The following EPC2 variants were observed in gnomAD, a reference collection of about 807,000 sequenced individuals.
The protein encoded by EPC2 is enhancer of polycomb homolog 2.
In EPC2, 14 loss-of-function variants were observed where a neutral mutation model predicts 92.1. The observed-to-expected ratio is 0.15, with a 90% CI of 0.10 to 0.24. EPC2 has a LOEUF of 0.24. EPC2 is among the 10% of genes least tolerant of loss of function. The probability of loss-of-function intolerance (pLI) is 1.00; values close to 1 mark genes in which losing one functional copy is unlikely to be tolerated. For missense variants in EPC2, 755 were observed against 971.5 expected (o/e 0.78, Z 2.96); for synonymous variants, 340 against 334.7 (o/e 1.02, Z -0.17).
intron 2 of EPC2, among the ~76,000 whole-genome samples, chr2:148,698,282 CCCCA>C (rs1183935864): frequency 6.6e-6 from 1 of 152,098 alleles, no homozygotes; most frequent in Non-Finnish European, 1.5e-5. Flanking sequence ...CACCTCCCTG[CCCCA>C]CCGCCCCCTC....
At position 148,645,002 on chromosome 2, in the gene EPC2, G is replaced by A. The variant is rs1177190316; in HGVS notation, c.-16G>A. The A allele has an allele frequency of 3.2e-6, 5 of 1,544,526 alleles. No homozygotes were observed. Among genetic ancestry groups the A allele is most frequent in the African/African-American group, 2.8e-5 (2 of 72,362 alleles). On this transcript the variant is annotated 5_prime_UTR_variant, in exon 1 of 14. Coordinates refer to ENST00000258484, the MANE Select transcript of EPC2 (RefSeq NM_015630.4). ...CGCCGCCGCCGCCCGGGCTGTTCCT[G>A]TAAGGCGGGGAGACAATGAGTAAAC... is the stretch of plus-strand genomic sequence containing the variant.
intron 1 of EPC2, among the ~76,000 whole-genome samples, chr2:148,689,536 G>A (rs2105371079): frequency 6.6e-6 from 1 of 152,218 alleles, no homozygotes; most frequent in East Asian, 1.9e-4. Context: ...TTTATGGGGT[G>A]GGTGGCATGA....
chr2:148,648,524 A>G (rs909467517), intron 1 of EPC2, among the ~76,000 whole-genome samples: 3 of 152,164 alleles, frequency 2.0e-5, no homozygotes, highest in African/African-American at 7.2e-5. Flanking sequence ...GGCTTGTAAC[A>G]AACAAACCAA....
At chr2:148,781,216 T>G (rs377454455) in intron 10 of EPC2, among the ~76,000 whole-genome samples, 3 of 152,324 alleles carry the variant, frequency 2.0e-5, no homozygotes, top group Non-Finnish European at 2.9e-5. Context: ...AAACCAGCAG[T>G]AAAAATCATT....
intron 1 of EPC2, among the ~76,000 whole-genome samples, chr2:148,668,118 C>T (rs547606782): frequency 6.6e-5 from 10 of 152,202 alleles, no homozygotes; most frequent in African/African-American, 2.4e-4. Flanking sequence ...AGGCTGGTCT[C>T]GAACTCCTGT....
chr2:148,738,789 T>G (rs1377800876), intron 2 of EPC2, among the ~76,000 whole-genome samples: 1 of 152,182 alleles, frequency 6.6e-6, no homozygotes, highest in Non-Finnish European at 1.5e-5. Context: ...TGAAACTAAT[T>G]GATAAATACG....
At chr2:148,650,845 AGTT>A (rs1415391354) in intron 1 of EPC2, among the ~76,000 whole-genome samples, 2 of 152,186 alleles carry the variant, frequency 1.3e-5, no homozygotes, top group African/African-American at 4.8e-5. Flanking sequence ...TCTAAATGCC[AGTT>A]GTTATCTAAA....
At chr2:148,738,073 T>C (rs1434140638) in intron 2 of EPC2, among the ~76,000 whole-genome samples, 1 of 152,212 alleles carries the variant, frequency 6.6e-6, no homozygotes, top group East Asian at 1.9e-4. Flanking sequence ...GAAAATTTAA[T>C]TGATGGTTCT....
chr2:148,773,290 AGG>A (rs1683564022), intron 10 of EPC2, among the ~76,000 whole-genome samples: 1 of 152,154 alleles, frequency 6.6e-6, no homozygotes, highest in African/African-American at 2.4e-5. Context: ...TGTACTTCTC[AGG>A]GAATTTAAGT....
chr2:148,716,673 G>A (rs1421343946), intron 2 of EPC2, among the ~76,000 whole-genome samples: 2 of 152,108 alleles, frequency 1.3e-5, no homozygotes, highest in South Asian at 2.1e-4. Context: ...TTGCATCGAG[G>A]TTCACCAAAG....
intron 1 of EPC2, among the ~76,000 whole-genome samples, chr2:148,674,727 G>A (rs1376652990): frequency 6.6e-6 from 1 of 152,220 alleles, no homozygotes; most frequent in Admixed American, 6.5e-5. Context: ...TGGCTTGGGG[G>A]AAGGGCTTAT....
At chr2:148,704,759 G>A (rs1443683623) in intron 2 of EPC2, among the ~76,000 whole-genome samples, 1 of 152,156 alleles carries the variant, frequency 6.6e-6, no homozygotes, top group Non-Finnish European at 1.5e-5. Flanking sequence ...CAACAACAGG[G>A]ATATAACTTA....
At chr2:148,676,874 G>T (rs1026805334) in intron 1 of EPC2, among the ~76,000 whole-genome samples, 22 of 103,488 alleles carry the variant, frequency 2.1e-4, no homozygotes, top group East Asian at 7.0e-4. Context: ...ACTTTTTTTG[G>T]GGGGGGGGTT....
intron 1 of EPC2, among the ~76,000 whole-genome samples, chr2:148,651,145 T>C (rs1046347908): frequency 1.3e-5 from 2 of 152,198 alleles, no homozygotes; most frequent in Non-Finnish European, 2.9e-5. Context: ...CGTAACAATT[T>C]GGGCTTTCAG....
At chr2:148,741,708 G>A (rs943110324) in intron 2 of EPC2, among the ~76,000 whole-genome samples, 9 of 152,064 alleles carry the variant, frequency 5.9e-5, no homozygotes, top group Non-Finnish European at 1.2e-4. Context: ...TCTAAATCTT[G>A]TCATGTAATT....
At chr2:148,662,916 C>A (rs1680969234) in intron 1 of EPC2, among the ~76,000 whole-genome samples, 1 of 151,968 alleles carries the variant, frequency 6.6e-6, no homozygotes, top group African/African-American at 2.4e-5. Flanking sequence ...AAAGTGGCTA[C>A]CTCAAAGCTT....
intron 2 of EPC2, among the ~76,000 whole-genome samples, chr2:148,723,059 ACTAT>A (rs1056099333): frequency 2.6e-5 from 4 of 152,100 alleles, no homozygotes; most frequent in African/African-American, 9.7e-5. Flanking sequence ...GGATCGAAAA[ACTAT>A]CTATTGGGTT....
intron 1 of EPC2, among the ~76,000 whole-genome samples, chr2:148,657,161 C>A (rs1680819253): frequency 6.6e-6 from 1 of 152,022 alleles, no homozygotes; most frequent in Admixed American, 6.6e-5. Context: ...TTTGGAAGAA[C>A]AGAAACTGTT....
chr2:148,753,271 C>G (rs183474114), intron 3 of EPC2, among the ~76,000 whole-genome samples: 1 of 152,268 alleles, frequency 6.6e-6, no homozygotes, highest in Admixed American at 6.5e-5. Flanking sequence ...GCCACTGTCC[C>G]AGGACATGAC....
Sources: allele counts gnomAD v4.1 joint callset (sites outside exome capture counted in the v4.1 genomes callset), GRCh38; gene constraint gnomAD v4.1.1; transcripts MANE v1.5; gene names NCBI Gene and HGNC (gene_info 2026-07-23, HGNC 2026-07-21).